The following MAF variants were observed in gnomAD, a reference collection of about 807,000 sequenced individuals.
MAF encodes transcription factor Maf.
A neutral mutation model predicts 22.0 loss-of-function variants in MAF; 10 were observed. The observed-to-expected ratio is 0.45, with a 90% CI of 0.28 to 0.77. The LOEUF is 0.77. MAF is among the 30% of genes least tolerant of loss of function. The probability of loss-of-function intolerance (pLI) is 0.12; values close to 1 mark genes in which losing one functional copy is unlikely to be tolerated. For synonymous variants in MAF, 337 were observed against 255.8 expected (o/e 1.32, Z -3.03); for missense variants, 544 against 548.4 (o/e 0.99, Z 0.08).
the MAF span, among the ~76,000 whole-genome samples, chr16:79,500,341 C>T: frequency 1.7e-3 from 264 of 152,296 alleles, 2 homozygotes; most frequent in Middle Eastern, 6.8e-3. Context: ...TATGTTGTTG[C>T]CTACTAGGTG....
the MAF span, among the ~76,000 whole-genome samples, chr16:79,539,675 C>T: frequency 6.6e-6 from 1 of 152,122 alleles, no homozygotes; most frequent in African/African-American, 2.4e-5. Flanking sequence ...ATCTAAACAT[C>T]CAATAATAGT....
the MAF span, among the ~76,000 whole-genome samples, chr16:79,270,040 G>A: frequency 1.3e-5 from 2 of 151,800 alleles, no homozygotes; most frequent in Non-Finnish European, 2.9e-5. Flanking sequence ...TTGCAATCCT[G>A]TTTTTTTCAT....
chr16:79,244,194 C>A, the MAF span, among the ~76,000 whole-genome samples: 2 of 151,968 alleles, frequency 1.3e-5, no homozygotes, highest in Non-Finnish European at 2.9e-5. Flanking sequence ...CTATTCAACA[C>A]AGTATCGGAA....
the MAF span, among the ~76,000 whole-genome samples, chr16:79,327,630 T>C: frequency 0.017 from 2,567 of 152,308 alleles, 18 homozygotes; most frequent in Middle Eastern, 0.044. Context: ...TTTCTGGCTA[T>C]CATTAAGCGT....
At chr16:79,216,810 A>C in the MAF span, among the ~76,000 whole-genome samples, 1 of 147,430 alleles carries the variant, frequency 6.8e-6, no homozygotes, top group African/African-American at 2.5e-5. Flanking sequence ...TCTATCTGCT[A>C]CTTTTTTTTT....
At chr16:79,586,738 A>G (rs530848251) in intron 1 of MAF, among the ~76,000 whole-genome samples, 1 of 152,336 alleles carries the variant, frequency 6.6e-6, no homozygotes, top group African/African-American at 2.4e-5. Context: ...TATTTTCCAG[A>G]CAGCAGTTTA....
At chr16:79,291,493 C>T in the MAF span, among the ~76,000 whole-genome samples, 1 of 152,114 alleles carries the variant, frequency 6.6e-6, no homozygotes, top group South Asian at 2.1e-4. Context: ...GTTTCTGAGT[C>T]TCCTTACCTT....
chr16:79,229,642 G>A, the MAF span, among the ~76,000 whole-genome samples: 1 of 152,024 alleles, frequency 6.6e-6, no homozygotes, highest in African/African-American at 2.4e-5. Context: ...GAACAGACTC[G>A]TGGCGAGCAG....
At chr16:79,463,636 G>T in the MAF span, among the ~76,000 whole-genome samples, 1 of 152,114 alleles carries the variant, frequency 6.6e-6, no homozygotes, top group South Asian at 2.1e-4. Context: ...AAACCCTGCT[G>T]GACCTGTTTT....
the MAF span, among the ~76,000 whole-genome samples, chr16:79,481,018 C>T: frequency 6.6e-6 from 1 of 152,130 alleles, no homozygotes; most frequent in Non-Finnish European, 1.5e-5. Context: ...TTCTTCATTA[C>T]CCTTAACACA....
At chr16:79,372,504 G>C in the MAF span, among the ~76,000 whole-genome samples, 1 of 152,100 alleles carries the variant, frequency 6.6e-6, no homozygotes, top group African/African-American at 2.4e-5. Context: ...CAGTTTTCTT[G>C]CAACTGCTGC....
the MAF span, among the ~76,000 whole-genome samples, chr16:79,435,942 C>T: frequency 6.6e-6 from 1 of 152,128 alleles, no homozygotes; most frequent in Non-Finnish European, 1.5e-5. Flanking sequence ...AATTCATTAG[C>T]AAGAAGGGTG....
At chr16:79,448,424 T>G in the MAF span, among the ~76,000 whole-genome samples, 1 of 151,806 alleles carries the variant, frequency 6.6e-6, no homozygotes, top group African/African-American at 2.4e-5. Context: ...TTTGTTTTAT[T>G]TGTTTTTGTT....
the MAF span, among the ~76,000 whole-genome samples, chr16:79,304,631 T>G: frequency 6.6e-6 from 1 of 152,110 alleles, no homozygotes. Flanking sequence ...GTATGAAGAT[T>G]ATGAAAAATG....
chr16:79,472,816 A>G, the MAF span, among the ~76,000 whole-genome samples: 5 of 152,016 alleles, frequency 3.3e-5, no homozygotes, highest in African/African-American at 1.2e-4. Context: ...AGAAGGAAAG[A>G]AAGAGAGAAA....
At chr16:79,595,704 A>G (rs939411087) in intron 1 of MAF, 1 of 1,058,170 alleles carries the variant, frequency 9.5e-7, no homozygotes, top group Non-Finnish European at 1.1e-6. Flanking sequence ...ATCAAAGCAC[A>G]GCCTATATTC....
the MAF span, among the ~76,000 whole-genome samples, chr16:79,290,929 G>C: frequency 6.6e-6 from 1 of 152,050 alleles, no homozygotes; most frequent in Non-Finnish European, 1.5e-5. Flanking sequence ...ATAGGGTCTG[G>C]AAATTCCAAT....
the MAF span, among the ~76,000 whole-genome samples, chr16:79,234,514 G>A: frequency 7.2e-5 from 11 of 151,986 alleles, no homozygotes; most frequent in Non-Finnish European, 1.3e-4. Flanking sequence ...ATAACTTTTA[G>A]TGCACATTTA....
the MAF span, among the ~76,000 whole-genome samples, chr16:79,405,901 C>T: frequency 2.0e-5 from 3 of 152,196 alleles, no homozygotes; most frequent in African/African-American, 4.8e-5. Flanking sequence ...CATTTCAATG[C>T]ACACCATTCA....
Sources: gnomAD v4.1 joint callset for allele counts (sites outside exome capture counted in the v4.1 genomes callset) on GRCh38, gnomAD v4.1.1 for gene constraint, MANE v1.5 for transcripts, NCBI Gene and HGNC (gene_info 2026-07-23, HGNC 2026-07-21) for gene names.